The following PTPRH variants were observed in gnomAD, a reference collection of about 807,000 sequenced individuals.
PTPRH encodes receptor-type tyrosine-protein phosphatase H.
PTPRH carries 113 observed loss-of-function variants against 130.2 expected under a neutral mutation model. The ratio of observed to expected loss-of-function variants is 0.87; its 90% CI spans 0.75 to 1.01. PTPRH has a LOEUF of 1.01. Among genes scored for constraint, PTPRH ranks in the 50% least tolerant of loss-of-function variants. The pLI is 0.00. For missense variants in PTPRH, 1,430 were observed against 1,425.0 expected (o/e 1.00, Z -0.06); for synonymous variants, 556 against 577.9 (o/e 0.96, Z 0.54).
Position 55,187,739 on chromosome 19 carries a change from C to T in PTPRH, c.2476-136G>A. ...GCACCCTGAGATTATATGGCACCCA[C>T]AAAAACAGAATAGATGTGTGTGCCA... On this transcript the variant is annotated intron_variant, in intron 13 of 19. Coordinates refer to ENST00000376350, the MANE Select transcript of PTPRH (RefSeq NM_002842.5). 5.9e-6 allele frequency: 4 copies of T among 679,148 alleles called. No individual in the cohort carries two copies. The South Asian group carries it at 6.9e-5, about 12-fold the overall frequency. The allele number at this position is 679,148 out of a possible 1,614,324, so 42.1% of individuals were successfully genotyped here.
intron 10 of PTPRH, among the ~76,000 whole-genome samples, chr19:55,195,649 C>G (rs2086660818): frequency 6.6e-6 from 1 of 152,222 alleles, no homozygotes; most frequent in African/African-American, 2.4e-5. Flanking sequence ...TCATAGTTCA[C>G]TGCAGTCTCA....
chr19:55,197,014 T>C (rs1326377321), intron 9 of PTPRH, 103 bp downstream of exon 9: 2 of 1,427,906 alleles, frequency 1.4e-6, no homozygotes, highest in African/African-American at 1.4e-5. Context: ...CATGAAGTCA[T>C]GGCCTGTGGC....
chr19:55,206,839 T>A lies in PTPRH; in HGVS notation c.202A>T (p.Thr68Ser). The change falls in exon 3 of 20, where the codon ACT becomes TCT. Residue 68 changes from threonine (T) to serine (S), a missense_variant. Physicochemically the swap from Thr to Ser is moderately conservative, Grantham distance 58. Coordinates refer to ENST00000376350, the MANE Select transcript of PTPRH (RefSeq NM_002842.5). ...SQNSNYWVQCTGDGGTTETRN... is the reference protein window; with the variant it reads ...SQNSNYWVQCSGDGGTTETRN... ...GTCTCTGTTGTGCCGCCGTCTCCAG[T>A]ACACTGAACCCAGTAGTTGGAGTTC... The A allele has an allele frequency of 1.2e-6, 2 of 1,614,170 alleles. No individual in the cohort carries two copies. Among genetic ancestry groups the A allele is most frequent in the Non-Finnish European group, 1.7e-6 (2 of 1,180,024 alleles).
chr19:55,181,662 G>A lies in PTPRH; in HGVS notation c.*92C>T. 3 of 1,539,206 alleles carry A rather than the reference G, an allele frequency of 1.9e-6. No individual in the cohort carries two copies. Among genetic ancestry groups the A allele is most frequent in the Non-Finnish European group, 2.7e-6 (3 of 1,128,542 alleles). On this transcript the variant is annotated 3_prime_UTR_variant, in exon 20 of 20. Coordinates refer to ENST00000376350, the MANE Select transcript of PTPRH (RefSeq NM_002842.5). ...CCTCCCACAGCACCCAGGAGTCTGG[G>A]AGCCCAGCCCTCTGCTCTTCCAGGA...
rs765660421 is a variant in PTPRH at position 55,205,469 on chromosome 19, T to A, written c.476A>T (p.Asp159Val). The A allele has an allele frequency of 1.2e-6, 2 of 1,614,142 alleles. No individual in the cohort carries two copies. The highest frequency in any genetic ancestry group is 1.7e-6 in the Non-Finnish European group (2 of 1,180,040). ...GCTTCGAGTCCCTGCTCTGCCACCA[T>A]CTCCAGTGTACTCAACCCCGTAGGT... ...NSTYGVEYTG[D>V]GGRAGTRSTA... Residue 159 changes from aspartate (D) to valine (V), a missense_variant, in exon 4 of 20, where the codon GAT (aspartate) becomes GTT (valine). By Grantham distance (152) the Asp-to-Val change is radical. Coordinates refer to ENST00000376350, the MANE Select transcript of PTPRH (RefSeq NM_002842.5).
intron 10 of PTPRH, chr19:55,191,958 ACCTCCTCCT>A: frequency 1.5e-6 from 1 of 662,502 alleles, no homozygotes; most frequent in South Asian, 1.5e-5. Context: ...CCCCTCTCCT[ACCTCCTCCT>A]CCTCCTCCGC....
intron 18 of PTPRH, among the ~76,000 whole-genome samples, chr19:55,183,001 GC>G: frequency 6.6e-6 from 1 of 151,518 alleles, no homozygotes; most frequent in South Asian, 2.1e-4. Flanking sequence ...TTGCCATGTT[GC>G]CCAGGCTGGT....
chr19:55,187,081 C>G (rs1208391933), intron 14 of PTPRH, among the ~76,000 whole-genome samples: 1 of 149,776 alleles, frequency 6.7e-6, no homozygotes, highest in Non-Finnish European at 1.5e-5. Context: ...CGCAGTGGCT[C>G]ACGCCCGTAA....
At position 55,181,523 on chromosome 19, in the gene PTPRH, C is replaced by G; in HGVS notation, c.*231G>C. 1 of 562,298 alleles carries G rather than the reference C, an allele frequency of 1.8e-6. No homozygotes were observed. Among genetic ancestry groups the G allele is most frequent in the Non-Finnish European group, 3.1e-6 (1 of 317,688 alleles). 34.8% of individuals were successfully genotyped at this position (562,298 alleles called of 1,614,324 possible). ...GACCTAGGGAATCCAAGCTATCATC[C>G]CTCTCCTCCTTCAGGGAACCAGGAA... On this transcript the variant is annotated 3_prime_UTR_variant, in exon 20 of 20. Transcript: ENST00000376350.
intron 10 of PTPRH, among the ~76,000 whole-genome samples, chr19:55,196,097 G>A (rs549579996): frequency 6.6e-6 from 1 of 152,210 alleles, no homozygotes; most frequent in African/African-American, 2.4e-5. Context: ...AACTTTAAGT[G>A]GTGAGTTGTG....
At chr19:55,189,648 T>C in intron 12 of PTPRH, 3 of 455,854 alleles carry the variant, frequency 6.6e-6, no homozygotes, top group South Asian at 4.6e-5. Flanking sequence ...GACTTCCTCT[T>C]AGTCATCTTG....
At chr19:55,194,394 G>A in intron 10 of PTPRH, 1 of 1,152,274 alleles carries the variant, frequency 8.7e-7, no homozygotes, top group East Asian at 6.4e-5. Context: ...CACAGAATTG[G>A]ACTAGAGGAC....
chr19:55,193,227 CA>C (rs34071809), intron 10 of PTPRH, among the ~76,000 whole-genome samples: 43,963 of 123,900 alleles, frequency 0.35, 6,617 homozygotes, highest in Middle Eastern at 0.52. Context: ...GACTCTGTCT[CA>C]AAAAAAAAAA....
chr19:55,197,198 G>A lies in PTPRH; in HGVS notation c.1909C>T (p.Pro637Ser). The A allele has an allele frequency of 2.5e-6, 4 of 1,614,260 alleles. No homozygotes were observed. Among genetic ancestry groups the A allele is most frequent in the Non-Finnish European group, 3.4e-6 (4 of 1,180,050 alleles). ...ACGGTGAAATTGTACAACGTCCCGG[G>A]TTCCAGGGCCTCCACTTTGTACCAC... ...ETWYKVEALE[P>S]GTLYNFTVWA... The change falls in exon 9 of 20, where the codon CCC (proline) becomes TCC (serine). Residue 637 changes from proline (P) to serine (S), a missense_variant. Physicochemically the swap from Pro to Ser is moderately conservative, Grantham distance 74. Transcript: ENST00000376350.
intron 6 of PTPRH, among the ~76,000 whole-genome samples, chr19:55,200,892 G>A (rs1449764755): frequency 6.6e-6 from 1 of 151,490 alleles, no homozygotes; most frequent in Admixed American, 6.6e-5. Flanking sequence ...GCAGTGAGCC[G>A]AGATCGCGCC....
chr19:55,182,254 G>T, intron 18 of PTPRH, 103 bp from the exon 19 acceptor site: 1 of 1,337,876 alleles, frequency 7.5e-7, no homozygotes. Flanking sequence ...CAATAACTAT[G>T]CCTGCTCACA....
chr19:55,205,035 T>G (rs1266660172), intron 4 of PTPRH, among the ~76,000 whole-genome samples: 1 of 152,114 alleles, frequency 6.6e-6, no homozygotes, highest in African/African-American at 2.4e-5. Context: ...ACTCACAGTA[T>G]CTAATTCCTT....
At position 55,198,633 on chromosome 19, in the gene PTPRH, T is replaced by C. The variant is rs758930687; in HGVS notation, c.1690+10A>G. The C allele has an allele frequency of 2.5e-6, 4 of 1,590,918 alleles. No individual in the cohort carries two copies. In the East Asian group the frequency reaches 6.8e-5, roughly 27 times the overall value. On this transcript the variant is annotated intron_variant, in intron 8 of 19. Transcript: ENST00000376350. Reference sequence around the variant, plus strand: ...TAATAGGGCTGGGTTCAGAACCGACTGTGTCTCACCAGTGGCTGCAGTGAG... The same window carrying C: ...TAATAGGGCTGGGTTCAGAACCGACCGTGTCTCACCAGTGGCTGCAGTGAG...
Position 55,187,543 on chromosome 19 carries a change from C to A in PTPRH, c.2536G>T (p.Ala846Ser). ...QMVASASENN[A>S]KNRYRNVLPY... ...AGCACATTTCTGTAGCGGTTCTTGGCGTTGTTCTCTGAAGCCGAAGCCACC... is the reference window on the plus strand; with the variant it reads ...AGCACATTTCTGTAGCGGTTCTTGGAGTTGTTCTCTGAAGCCGAAGCCACC... The change falls in exon 14 of 20, where the codon GCC becomes TCC. Residue 846 changes from alanine to serine, a missense_variant. Physicochemically the swap from Ala to Ser is moderately conservative, Grantham distance 99. Transcript: ENST00000376350. The A allele has an allele frequency of 6.2e-7, 1 of 1,612,958 alleles. No homozygotes were observed. Among genetic ancestry groups the A allele is most frequent in the Non-Finnish European group, 8.5e-7 (1 of 1,179,476 alleles).
Sources: allele counts gnomAD v4.1 joint callset (sites outside exome capture counted in the v4.1 genomes callset), GRCh38; gene constraint gnomAD v4.1.1; transcripts MANE v1.5; gene names NCBI Gene and HGNC (gene_info 2026-07-23, HGNC 2026-07-21).